The following ATP1A4 variants were observed in gnomAD, a reference collection of about 807,000 sequenced individuals.
ATP1A4 encodes the protein sodium/potassium-transporting ATPase subunit alpha-4.
A neutral mutation model predicts 114.3 loss-of-function variants in ATP1A4; 90 were observed. That is an observed-to-expected ratio of 0.79 (90% CI 0.66 to 0.94). ATP1A4 has a LOEUF of 0.94. Among genes scored for constraint, ATP1A4 ranks in the 40% least tolerant of loss-of-function variants. ATP1A4 has a pLI of 0.00. For synonymous variants in ATP1A4, 511 were observed against 494.1 expected, an observed-to-expected ratio of 1.03 and a Z score of -0.45; for missense variants, 1,222 against 1,313.6, an observed-to-expected ratio of 0.93 and a Z score of 1.08.
At chr1:160,180,991 G>C (rs1653678881) in intron 18 of ATP1A4, among the ~76,000 whole-genome samples, 1 of 151,984 alleles carries the variant, frequency 6.6e-6, no homozygotes, top group Non-Finnish European at 1.5e-5. Flanking sequence ...TGGGATTACA[G>C]GCATGAGCCA....
rs756329430 is a variant in ATP1A4, at chr1:160,167,621, G to C, written c.1491+209G>C. Among the ~76,000 whole-genome samples, 6 of 152,214 alleles carry C rather than the reference G, an allele frequency of 3.9e-5. No individual in the cohort carries two copies. The South Asian group carries it at 1.2e-3, about 32-fold the overall frequency. ...ACAGGTGATAAAGGGAGAGGCATCA[G>C]TCAGTCCTATGCAGAGATCTGAGCT... On this transcript the variant is annotated intron_variant, in intron 10 of 21. Coordinates refer to ENST00000368081, the MANE Select transcript of ATP1A4 (RefSeq NM_144699.4).
In ATP1A4 at chr1:160,186,711, G is replaced by A. The variant is rs1653908094; in HGVS notation, c.*12G>A. 2 of 1,610,182 alleles carry A rather than the reference G, an allele frequency of 1.2e-6. No homozygotes were observed. Among genetic ancestry groups the A allele is most frequent in the Middle Eastern group, 1.7e-4 (1 of 6,060 alleles). Reference sequence around the variant, plus strand: ...AGACGTACTACTAAACTCAGCAGATGAAGAGCTTCATGTGACACAGGGGTG... The same window carrying A: ...AGACGTACTACTAAACTCAGCAGATAAAGAGCTTCATGTGACACAGGGGTG... On this transcript the variant is annotated 3_prime_UTR_variant, in exon 22 of 22. Coordinates refer to ENST00000368081, the MANE Select transcript of ATP1A4 (RefSeq NM_144699.4).
intron 6 of ATP1A4, among the ~76,000 whole-genome samples, chr1:160,160,780 A>G (rs895055537): frequency 6.6e-6 from 1 of 152,184 alleles, no homozygotes; most frequent in African/African-American, 2.4e-5. Context: ...ATTTGAAAAT[A>G]CCTTAAAGAA....
intron 13 of ATP1A4, 73 bp from the exon 14 acceptor site, chr1:160,174,038 T>C: frequency 1.3e-6 from 2 of 1,546,640 alleles, no homozygotes; most frequent in Non-Finnish European, 1.8e-6. Flanking sequence ...GAAGCTATAG[T>C]CAAGATGGGC....
intron 6 of ATP1A4, among the ~76,000 whole-genome samples, chr1:160,161,096 C>A (rs1181273890): frequency 1.3e-5 from 2 of 152,166 alleles, no homozygotes; most frequent in Non-Finnish European, 2.9e-5. Flanking sequence ...GCTAAAAAAA[C>A]CCAACATGTG....
In ATP1A4 at chr1:160,185,696, G is replaced by A. The variant is rs547682279; in HGVS notation, c.2970-580G>A. 1.4e-4 allele frequency among the ~76,000 whole-genome samples: 21 copies of A among 151,844 alleles called. No individual in the cohort carries two copies. In the East Asian group the frequency reaches 3.9e-3, roughly 28 times the overall value. On this transcript the variant is annotated intron_variant, in intron 20 of 21. Coordinates refer to ENST00000368081, the MANE Select transcript of ATP1A4 (RefSeq NM_144699.4). ...AGCACTCTGGGAGGTGGAGGCAGGC[G>A]GATCACAAGGTCTGGAGTTCGAGAC...
rs755441458 is a variant in ATP1A4 at position 160,158,999 on chromosome 1, T to C, written c.526-3T>C. The C allele has an allele frequency of 2.4e-5, 39 of 1,613,408 alleles. No individual in the cohort carries two copies. The highest frequency in any genetic ancestry group is 3.1e-5 in the Non-Finnish European group (37 of 1,179,660). On this transcript the variant is annotated splice_region_variant and splice_polypyrimidine_tract_variant and intron_variant, in intron 4 of 21. Coordinates refer to ENST00000368081, the MANE Select transcript of ATP1A4 (RefSeq NM_144699.4). ...GAAATGATCCTGCACTATCCTCTCATAGCAAGCTCTGGTAATTCGAGGAGG... is the reference window on the plus strand; with the variant it reads ...GAAATGATCCTGCACTATCCTCTCACAGCAAGCTCTGGTAATTCGAGGAGG...
At chr1:160,155,507 T>A (rs528452383) in intron 3 of ATP1A4, among the ~76,000 whole-genome samples, 1 of 152,166 alleles carries the variant, frequency 6.6e-6, no homozygotes, top group Non-Finnish European at 1.5e-5. Context: ...GTAATAAATG[T>A]ACATTACATA....
intron 5 of ATP1A4, 44 bp from the exon 6 acceptor site, chr1:160,159,365 T>C: frequency 6.5e-7 from 1 of 1,533,772 alleles, no homozygotes; most frequent in Non-Finnish European, 8.9e-7. Flanking sequence ...AATCTGCCTT[T>C]TTTCCTATGC....
rs1257894915 is a variant in ATP1A4 at position 160,161,506 on chromosome 1, GATTA to G, written c.778+1985_778+1988del. Among the ~76,000 whole-genome samples, 5 of 152,108 alleles carry G rather than the reference GATTA, an allele frequency of 3.3e-5. No homozygotes were observed. In the East Asian group the frequency reaches 9.6e-4, roughly 29 times the overall value. ...CCAACCCCATCTCTAGACACACTGA[GATTA>G]ATTATTAAATCCCGTTTCTCCAAGT... is the stretch of plus-strand genomic sequence containing the variant. On this transcript the variant is annotated intron_variant, in intron 6 of 21. Transcript: ENST00000368081.
chr1:160,166,488 C>A (rs1476936445), intron 7 of ATP1A4, 40 bp from the exon 8 acceptor site: 3 of 1,605,988 alleles, frequency 1.9e-6, no homozygotes, highest in East Asian at 2.2e-5. Flanking sequence ...GTGAGTATTC[C>A]ATCTCCCATG....
At chr1:160,180,053 C>A (rs1045032850) in intron 18 of ATP1A4, among the ~76,000 whole-genome samples, 1 of 152,164 alleles carries the variant, frequency 6.6e-6, no homozygotes, top group Non-Finnish European at 1.5e-5. Flanking sequence ...AACTGTGAGA[C>A]CACGGCATTG....
In ATP1A4 at chr1:160,164,196, A is replaced by C; in HGVS notation, c.819A>C (p.Thr273=). The change falls in exon 7 of 22, where the codon ACA becomes ACC. Residue 273 remains threonine, a synonymous_variant. Transcript: ENST00000368081. ...TTGTGATTGCTACGGGAGACTCCAC[A>C]GTGATGGGCAGAATTGCCTCCCTGA... ...RGIVIATGDS[T]VMGRIASLTS... 1.2e-6 allele frequency: 2 copies of C among 1,614,178 alleles called. No individual in the cohort carries two copies. Among genetic ancestry groups the C allele is most frequent in the Non-Finnish European group, 1.7e-6 (2 of 1,180,024 alleles).
Position 160,153,199 on chromosome 1 carries a change from C to G in ATP1A4, c.182C>G (p.Thr61Ser), listed in dbSNP as rs754624697. 46 of 1,613,842 alleles carry G rather than the reference C, an allele frequency of 2.9e-5. No individual in the cohort carries two copies. The highest frequency in any genetic ancestry group is 3.9e-5 in the Non-Finnish European group (46 of 1,179,934). The stretch of plus-strand genomic sequence containing the variant: ...AAATTAACCTTGGAAGAGCTGAGCA[C>G]CAAGTACTCCGTGGACCTGACAAAG... ...DHKLTLEELS[T>S]KYSVDLTKGH... The change falls in exon 2 of 22, where the codon ACC becomes AGC. Residue 61 changes from threonine to serine, a missense_variant. Coordinates refer to ENST00000368081, the MANE Select transcript of ATP1A4 (RefSeq NM_144699.4).
chr1:160,186,086 C>CAAAAAAAAAAAAAAAA (rs527303426), intron 20 of ATP1A4, among the ~76,000 whole-genome samples, 190 bp from the exon 21 acceptor site: 715 of 32,754 alleles, frequency 0.022, 168 homozygotes, highest in East Asian at 0.055. Context: ...GACTCTGTCG[C>CAAAAAAAAAAAAAAAA]AAAAAAAAAA....
chr1:160,175,493 C>A (rs530950148), intron 15 of ATP1A4, among the ~76,000 whole-genome samples: 1 of 152,112 alleles, frequency 6.6e-6, no homozygotes, highest in Admixed American at 6.5e-5. Flanking sequence ...AACAAAGACA[C>A]AAATCCCTGC....
chr1:160,173,758 C>T, intron 13 of ATP1A4, 41 bp downstream of exon 13: 1 of 1,596,202 alleles, frequency 6.3e-7, no homozygotes, highest in Non-Finnish European at 8.6e-7. Context: ...ATGTTCCCTC[C>T]ATCCCCAGCC....
intron 18 of ATP1A4, among the ~76,000 whole-genome samples, chr1:160,180,649 C>CCATCCTTT: frequency 6.6e-6 from 1 of 150,998 alleles, no homozygotes; most frequent in East Asian, 1.9e-4. Flanking sequence ...TCTGGCCCCA[C>CCATCCTTT]CATCCTTTCT....
chr1:160,153,052 A>C, intron 1 of ATP1A4, 113 bp from the exon 2 acceptor site: 1 of 848,056 alleles, frequency 1.2e-6, no homozygotes, highest in South Asian at 1.5e-5. Flanking sequence ...CAGGGAGCTT[A>C]CAAAATGGAG....
Sources: gnomAD v4.1 joint callset for allele counts (sites outside exome capture counted in the v4.1 genomes callset) on GRCh38, gnomAD v4.1.1 for gene constraint, MANE v1.5 for transcripts, NCBI Gene and HGNC (gene_info 2026-07-23, HGNC 2026-07-21) for gene names.